Variants in RNF111 observed in about 807,000 individuals in gnomAD.
RNF111 encodes the protein E3 ubiquitin-protein ligase Arkadia.
In RNF111, 17 loss-of-function variants were observed where a neutral mutation model predicts 95.1. The observed-to-expected ratio is 0.18, with a 90% CI of 0.12 to 0.27. The LOEUF (loss-of-function observed/expected upper bound fraction) is 0.27, where lower values mean the gene tolerates loss of function less well. Ranked by LOEUF, RNF111 falls within the 10% of genes least tolerant of loss-of-function variation. The probability of loss-of-function intolerance (pLI) is 1.00; values close to 1 mark genes in which losing one functional copy is unlikely to be tolerated. For missense variants in RNF111, 1,189 were observed against 1,210.4 expected (o/e 0.98, Z 0.26); for synonymous variants, 440 against 414.8 (o/e 1.06, Z -0.74).
At chr15:59,050,821 C>A (rs191167342) in intron 2 of RNF111, among the ~76,000 whole-genome samples, 1 of 152,088 alleles carries the variant, frequency 6.6e-6, no homozygotes, top group Non-Finnish European at 1.5e-5. Context: ...TTTAAACATA[C>A]AATACGTTAT....
At chr15:59,046,931 A>G (rs2041740065) in intron 2 of RNF111, among the ~76,000 whole-genome samples, 1 of 152,052 alleles carries the variant, frequency 6.6e-6, no homozygotes, top group Admixed American at 6.6e-5. Flanking sequence ...ACAATGGCAC[A>G]GTCTCGGCTC....
rs201949306 is a variant in RNF111 at position 59,067,235 on chromosome 15, C to T, written c.1686+152C>T. On this transcript the variant is annotated intron_variant, in intron 6 of 13. Coordinates refer to ENST00000348370, the MANE Select transcript of RNF111 (RefSeq NM_017610.8). ...GCTTTCTTCCCTCCCTGCCTCCCTC[C>T]GTTTCCTTTTTTTTTTTTTAACTCC... 9.6e-3 allele frequency: 6,187 copies of T among 646,968 alleles called. 101 individuals are homozygous for T. Among genetic ancestry groups the T allele is most frequent in the East Asian group, 0.035 (1,160 of 33,230 alleles). The allele number at this position is 646,968 out of a possible 1,614,324, so 40.1% of individuals were successfully genotyped here.
intron 1 of RNF111, chr15:59,003,870 T>G (rs2039429161): frequency 6.5e-6 from 1 of 153,858 alleles, no homozygotes; most frequent in African/African-American, 2.4e-5. Flanking sequence ...ATTTATTGAA[T>G]GAGAACCATA....
At position 59,096,258 on chromosome 15, in the gene RNF111, T is replaced by C. The variant is rs973117304; in HGVS notation, c.*1358T>C. 2.6e-5 allele frequency: 10 copies of C among 391,618 alleles called. No individual in the cohort carries two copies. Among genetic ancestry groups the C allele is most frequent in the East Asian group, 7.2e-5 (2 of 27,590 alleles). The allele number at this position is 391,618 out of a possible 1,614,324, so 24.3% of individuals were successfully genotyped here. On this transcript the variant is annotated 3_prime_UTR_variant, in exon 14 of 14. Transcript: ENST00000348370. ...ATATACAGGATAGCCTAATTTTATT[T>C]GTTTAAATATGCTTAATATGCCCCA...
intron 2 of RNF111, among the ~76,000 whole-genome samples, chr15:59,034,525 G>C (rs1010928100): frequency 3.9e-5 from 6 of 152,104 alleles, no homozygotes; most frequent in Non-Finnish European, 8.8e-5. Flanking sequence ...GATGGATTCT[G>C]TTATCATCAC....
intron 2 of RNF111, among the ~76,000 whole-genome samples, chr15:59,050,024 G>C (rs1378393150): frequency 6.7e-6 from 1 of 150,004 alleles, no homozygotes; most frequent in Non-Finnish European, 1.5e-5. Flanking sequence ...ACAGGCGTGA[G>C]CCACCACGCC....
rs1301073407 is a variant in RNF111, at chr15:59,092,578, G to A, written c.2781G>A (p.Glu927=). The part of the protein sequence containing the change: ...HCKQDGEEGT[E]EDTEEKCTIC... ...AACAAGATGGGGAAGAAGGGACTGA[G>A]GAAGACACAGAGGAAAAATGTACTA... The change falls in exon 13 of 14, where the codon GAG becomes GAA. Residue 927 remains glutamate (E), a synonymous_variant. Coordinates refer to ENST00000348370, the MANE Select transcript of RNF111 (RefSeq NM_017610.8). The A allele has an allele frequency of 1.9e-6, 3 of 1,613,124 alleles. No homozygotes were observed. Among genetic ancestry groups the A allele is most frequent in the Non-Finnish European group, 2.5e-6 (3 of 1,179,274 alleles).
At chr15:59,021,216 T>C (rs886220321) in intron 1 of RNF111, among the ~76,000 whole-genome samples, 3 of 152,200 alleles carry the variant, frequency 2.0e-5, no homozygotes, top group Non-Finnish European at 4.4e-5. Context: ...AGTGATGCGA[T>C]CTCGGCTCAC....
At position 59,071,780 on chromosome 15, in the gene RNF111, G is replaced by C. The variant is rs142343187; in HGVS notation, c.1687-4174G>C. 3.7e-3 allele frequency among the ~76,000 whole-genome samples: 560 copies of C among 152,192 alleles called. 10 individuals carry two copies. The highest frequency in any genetic ancestry group is 0.013 in the African/African-American group (525 of 41,526). On this transcript the variant is annotated intron_variant, in intron 6 of 13. Transcript: ENST00000348370. ...CTCTGGTTTATTTCCCAACTTAGTTGATGGGCTTTCCCTAAAATCGTATTC... is the reference window on the plus strand; with the variant it reads ...CTCTGGTTTATTTCCCAACTTAGTTCATGGGCTTTCCCTAAAATCGTATTC...
intron 6 of RNF111, among the ~76,000 whole-genome samples, chr15:59,073,384 G>A (rs2140115971): frequency 6.6e-6 from 1 of 152,100 alleles, no homozygotes; most frequent in Admixed American, 6.5e-5. Flanking sequence ...GCGAGGCTGA[G>A]GTAAGATAAT....
chr15:59,080,975 C>G lies in RNF111; in HGVS notation c.1988C>G (p.Ala663Gly). 6.2e-7 allele frequency: 1 copy of G among 1,613,666 alleles called. No homozygotes were observed. The highest frequency in any genetic ancestry group is 8.5e-7 in the Non-Finnish European group (1 of 1,179,738). The change falls in exon 8 of 14, where the codon GCC (alanine) becomes GGC (glycine). Residue 663 changes from alanine to glycine, a missense_variant. Ala to Gly is a moderately conservative substitution (Grantham distance 60). This residue lies in a region of RNF111 where 1,024 missense variants were observed against 925.9 expected (regional missense o/e 1.11). Coordinates refer to ENST00000348370, the MANE Select transcript of RNF111 (RefSeq NM_017610.8). ...AGGCCACTTCATCATCAAGCTTCTG[C>G]CTGCCCGCATTCTCATGGAAACCCC... ...LTRPLHHQAS[A>G]CPHSHGNPPP... is the part of the protein sequence containing the mutation.
chr15:59,025,347 T>C (rs1359122375), intron 1 of RNF111, among the ~76,000 whole-genome samples: 7 of 152,230 alleles, frequency 4.6e-5, no homozygotes, highest in Admixed American at 4.6e-4. Flanking sequence ...TGAGAAATTT[T>C]AGTACGAGCT....
chr15:59,088,808 C>T (rs1388192722), intron 10 of RNF111, among the ~76,000 whole-genome samples: 5 of 152,178 alleles, frequency 3.3e-5, no homozygotes, highest in Admixed American at 1.3e-4. Context: ...ACATTGAACT[C>T]ATAGCCAACA....
chr15:59,092,772 T>C, intron 13 of RNF111, 132 bp downstream of exon 13: 1 of 855,984 alleles, frequency 1.2e-6, no homozygotes, highest in Non-Finnish European at 1.7e-6. Context: ...GGCCAGAGGC[T>C]CTCTTGAGGC....
At chr15:59,014,010 T>G (rs1413762767) in intron 1 of RNF111, among the ~76,000 whole-genome samples, 1 of 152,164 alleles carries the variant, frequency 6.6e-6, no homozygotes, top group Non-Finnish European at 1.5e-5. Flanking sequence ...AGGCTGGTCT[T>G]GAACTCCTGA....
At chr15:59,057,073 C>T (rs2042229434) in intron 4 of RNF111, among the ~76,000 whole-genome samples, 1 of 152,138 alleles carries the variant, frequency 6.6e-6, no homozygotes, top group African/African-American at 2.4e-5. Flanking sequence ...TGGTTCTCAA[C>T]TAGGGGCAGT....
At chr15:59,093,361 T>TC (rs35858450) in intron 13 of RNF111, 24,859 of 342,388 alleles carry the variant, frequency 0.073, 1,017 homozygotes, top group African/African-American at 0.14. Context: ...TTTTTTTTTT[T>TC]CCTTTTCTGG....
At position 59,092,524 on chromosome 15, in the gene RNF111, T is replaced by G; in HGVS notation, c.2740-13T>G. 6.2e-7 allele frequency: 1 copy of G among 1,610,170 alleles called. No homozygotes were observed. Among genetic ancestry groups the G allele is most frequent in the South Asian group, 1.1e-5 (1 of 90,352 alleles). On this transcript the variant is annotated splice_polypyrimidine_tract_variant and intron_variant, in intron 12 of 13. Transcript: ENST00000348370. ...TCTCTACTAATAAGGTAACAACTGA[T>G]TGGTTCTCACAGAGGAAACTGCACT...
At chr15:59,077,830 G>A (rs1400941846) in intron 7 of RNF111, among the ~76,000 whole-genome samples, 1 of 152,130 alleles carries the variant, frequency 6.6e-6, no homozygotes, top group Non-Finnish European at 1.5e-5. Context: ...TGAGAATGAA[G>A]GTAGGAAATT....
Sources: allele counts gnomAD v4.1 joint callset (sites outside exome capture counted in the v4.1 genomes callset), GRCh38; gene constraint gnomAD v4.1.1; regional missense constraint gnomAD v4.1.1; transcripts MANE v1.5; gene names NCBI Gene and HGNC (gene_info 2026-07-23, HGNC 2026-07-21).